Variants in ATP2B1 observed in about 807,000 individuals in gnomAD.
ATP2B1 encodes the protein plasma membrane calcium-transporting ATPase 1.
In ATP2B1, 14 loss-of-function variants were observed where a neutral mutation model predicts 124.2. That is an observed-to-expected ratio of 0.11 (90% CI 0.07 to 0.18). The LOEUF (loss-of-function observed/expected upper bound fraction) is 0.18. Ranked by LOEUF, ATP2B1 falls within the 10% of genes least tolerant of loss-of-function variation. The pLI, the probability that ATP2B1 is intolerant of heterozygous loss-of-function variation, is 1.00. For missense variants in ATP2B1, 763 were observed against 1,466.1 expected, an observed-to-expected ratio of 0.52 and a Z score of 7.83; for synonymous variants, 449 against 492.4, an observed-to-expected ratio of 0.91 and a Z score of 1.17.
In ATP2B1 at chr12:89,635,643, T is replaced by G. The variant is rs188962042; in HGVS notation, c.407-392A>C. Among the ~76,000 whole-genome samples the G allele has an allele frequency of 4.7e-3, 719 of 152,340 alleles. 8 individuals are homozygous for G. Among genetic ancestry groups the G allele is most frequent in the Non-Finnish European group, 8.3e-3 (568 of 68,034 alleles). On this transcript the variant is annotated intron_variant, in intron 3 of 20. Coordinates refer to ENST00000428670, the MANE Select transcript of ATP2B1 (RefSeq NM_001366521.1). ...GATACTGGTAAAGTAGGTACAGCAG[T>G]GGCTAAGGCTTTCTTCGCACTCAAC...
intron 1 of ATP2B1, 56 bp from the exon 2 acceptor site, chr12:89,656,163 T>C (rs1269125729): frequency 2.5e-6 from 1 of 405,348 alleles, no homozygotes; most frequent in East Asian, 3.5e-5. Context: ...GTATTATGCA[T>C]GTAAGCATAT....
chr12:89,662,315 A>G (rs1886810299), intron 1 of ATP2B1, among the ~76,000 whole-genome samples: 1 of 152,138 alleles, frequency 6.6e-6, no homozygotes. Flanking sequence ...GTAAACTTAA[A>G]TATAAGTGCT....
chr12:89,602,583 G>A (rs1876070175), intron 18 of ATP2B1, among the ~76,000 whole-genome samples: 1 of 151,976 alleles, frequency 6.6e-6, no homozygotes, highest in African/African-American at 2.4e-5. Flanking sequence ...ATCAGGTCTG[G>A]ATTTTAGTAG....
intron 1 of ATP2B1, among the ~76,000 whole-genome samples, chr12:89,685,280 G>A (rs1475427230): frequency 6.6e-6 from 1 of 152,018 alleles, no homozygotes; most frequent in Non-Finnish European, 1.5e-5. Context: ...TCCAATCAAA[G>A]GATCTCTTCA....
At position 89,655,907 on chromosome 12, in the gene ATP2B1, A is replaced by C; in HGVS notation, c.-21T>G. 1 of 1,532,002 alleles carries C rather than the reference A, an allele frequency of 6.5e-7. No individual in the cohort carries two copies. Among genetic ancestry groups the C allele is most frequent in the African/African-American group, 1.4e-5 (1 of 71,856 alleles). 94.9% of individuals were successfully genotyped at this position (1,532,002 alleles called of 1,614,324 possible). ...CCCATTACAAGTATAATATATCAGA[A>C]GGAAAATGTTTCCCAAAAGAATTTA... On this transcript the variant is annotated 5_prime_UTR_variant, in exon 2 of 21. Transcript: ENST00000428670.
rs569260037 is a variant in ATP2B1, at chr12:89,588,949, T to A, written c.*2035A>T. On this transcript the variant is annotated 3_prime_UTR_variant, in exon 21 of 21. Coordinates refer to ENST00000428670, the MANE Select transcript of ATP2B1 (RefSeq NM_001366521.1). ...ACCACCCTTATTTAGGGTAAATGAT[T>A]TTCCCAAGATCATGCAGCACATTAA... 19 of 152,648 alleles carry A rather than the reference T, an allele frequency of 1.2e-4. No homozygotes were observed. The highest frequency in any genetic ancestry group is 2.6e-4 in the Non-Finnish European group (18 of 68,006). 9.5% of individuals were successfully genotyped at this position (152,648 alleles called of 1,614,324 possible).
intron 20 of ATP2B1, chr12:89,593,396 C>T (rs1342510511): frequency 1.3e-5 from 2 of 151,888 alleles, no homozygotes; most frequent in East Asian, 1.9e-4. Context: ...TCAAGACAAC[C>T]CTGAAGATGT....
chr12:89,693,124 G>A (rs981188404), intron 1 of ATP2B1, among the ~76,000 whole-genome samples: 1 of 152,160 alleles, frequency 6.6e-6, no homozygotes, highest in Non-Finnish European at 1.5e-5. Context: ...AATATGAAGT[G>A]ATGGCAACAC....
intron 7 of ATP2B1, 54 bp downstream of exon 7, chr12:89,627,624 A>C (rs1881107015): frequency 1.9e-6 from 3 of 1,578,580 alleles, no homozygotes; most frequent in Non-Finnish European, 2.6e-6. Context: ...TATACAGTAG[A>C]TTTTTGGATA....
In ATP2B1 at chr12:89,616,953, G is replaced by C; in HGVS notation, c.1916C>G (p.Pro639Arg). 1.2e-6 allele frequency: 2 copies of C among 1,614,008 alleles called. No homozygotes were observed. The highest frequency in any genetic ancestry group is 1.7e-6 in the Non-Finnish European group (2 of 1,179,956). Residue 639 changes from proline (P) to arginine (R), a missense_variant, in exon 12 of 21, where the codon CCG becomes CGG. By Grantham distance (103) the Pro-to-Arg change is moderately radical. Transcript: ENST00000428670. ...GGTTCTCAAGCCTTCTGATGCCATC[G>C]GTTCAATCACAGTTTTTACAATATC... ...RDDIVKTVIE[P>R]MASEGLRTIC...
At chr12:89,608,869 A>G (rs1877467670) in intron 15 of ATP2B1, among the ~76,000 whole-genome samples, 2 of 152,120 alleles carry the variant, frequency 1.3e-5, no homozygotes, top group Admixed American at 1.3e-4. Context: ...TATGCTTCAC[A>G]TGTCTTCAGA....
At chr12:89,642,075 G>T in intron 3 of ATP2B1, 83 bp downstream of exon 3, 1 of 1,340,290 alleles carries the variant, frequency 7.5e-7, no homozygotes, top group Non-Finnish European at 1.0e-6. Flanking sequence ...AATAAATGCT[G>T]GCCAGCTATT....
chr12:89,630,626 G>T lies in ATP2B1; in HGVS notation c.807C>A (p.Gly269=). ...LLLSGTHVME[G]SGRMVVTAVG... Reference sequence around the variant, plus strand: ...CAGCTGTAACTACCATTCTTCCAGAGCCTTCCATTACATGAGTACCTATAA... The same window carrying T: ...CAGCTGTAACTACCATTCTTCCAGATCCTTCCATTACATGAGTACCTATAA... The change falls in exon 6 of 21, where the codon GGC becomes GGA. Residue 269 remains glycine (G), a synonymous_variant. Coordinates refer to ENST00000428670, the MANE Select transcript of ATP2B1 (RefSeq NM_001366521.1). 6.3e-7 allele frequency: 1 copy of T among 1,585,606 alleles called. No individual in the cohort carries two copies. The highest frequency in any genetic ancestry group is 1.7e-5 in the Admixed American group (1 of 57,462).
intron 20 of ATP2B1, among the ~76,000 whole-genome samples, chr12:89,596,286 G>A: frequency 6.6e-6 from 1 of 152,020 alleles, no homozygotes; most frequent in Non-Finnish European, 1.5e-5. Context: ...CTAATCAGTA[G>A]CAATCAATCA....
At chr12:89,643,065 T>TACACACACACACACACACACAC (rs145355576) in intron 2 of ATP2B1, among the ~76,000 whole-genome samples, 100 of 143,636 alleles carry the variant, frequency 7.0e-4, no homozygotes, top group South Asian at 1.8e-3. Flanking sequence ...TAAAGATACA[T>TACACACACACACACACACACAC]ACACACACAC....
chr12:89,668,204 A>G (rs1185483534), intron 1 of ATP2B1, among the ~76,000 whole-genome samples: 5 of 152,138 alleles, frequency 3.3e-5, no homozygotes, highest in Non-Finnish European at 7.4e-5. Flanking sequence ...TTTTCTTAAA[A>G]TTTCATCTTC....
At chr12:89,598,260 A>G (rs1875081835) in intron 20 of ATP2B1, among the ~76,000 whole-genome samples, 1 of 152,146 alleles carries the variant, frequency 6.6e-6, no homozygotes, top group Admixed American at 6.5e-5. Flanking sequence ...CATGCAATAT[A>G]AACATGTTTA....
Position 89,595,480 on chromosome 12 carries a change from G to C in ATP2B1, c.3351+3637C>G, listed in dbSNP as rs542060909. Among the ~76,000 whole-genome samples the C allele has an allele frequency of 6.6e-5, 10 of 151,818 alleles. No individual in the cohort carries two copies. In the South Asian group the frequency reaches 2.1e-3, roughly 31 times the overall value. ...TGAAGATCTGACTAATAAATGAAGG[G>C]AAAAAGGTCTCTTCAGAGATGTTTG... is the stretch of plus-strand genomic sequence containing the variant. On this transcript the variant is annotated intron_variant, in intron 20 of 20. Coordinates refer to ENST00000428670, the MANE Select transcript of ATP2B1 (RefSeq NM_001366521.1).
At chr12:89,653,230 G>A (rs373889821) in intron 2 of ATP2B1, among the ~76,000 whole-genome samples, 2 of 150,564 alleles carry the variant, frequency 1.3e-5, no homozygotes, top group Non-Finnish European at 3.0e-5. Flanking sequence ...AGGGGATAAT[G>A]CATGAATTTA....
Sources: allele counts gnomAD v4.1 joint callset (sites outside exome capture counted in the v4.1 genomes callset), GRCh38; gene constraint gnomAD v4.1.1; transcripts MANE v1.5; gene names NCBI Gene and HGNC (gene_info 2026-07-23, HGNC 2026-07-21).